The following RASGEF1A variants were observed in gnomAD, a reference collection of about 807,000 sequenced individuals.
The protein encoded by RASGEF1A is RasGEF domain family member 1A.
RASGEF1A carries 18 observed loss-of-function variants against 56.4 expected under a neutral mutation model. That is an observed-to-expected ratio of 0.32 (90% CI 0.22 to 0.47). RASGEF1A has a LOEUF of 0.47. Ranked by LOEUF, RASGEF1A falls within the 20% of genes least tolerant of loss-of-function variation. The pLI, the probability that RASGEF1A is intolerant of heterozygous loss-of-function variation, is 1.00. For missense variants in RASGEF1A, 422 were observed against 627.1 expected (o/e 0.67, Z 3.49); for synonymous variants, 245 against 242.6 (o/e 1.01, Z -0.09).
In RASGEF1A at chr10:43,196,112, A is replaced by AT; in HGVS notation, c.*131dup. ...AAGGTTGATGCGTGAAATAATTACCATTTTTTTCTCATAAAAGTTATATAC... is the reference window on the plus strand; with the variant it reads ...AAGGTTGATGCGTGAAATAATTACCATTTTTTTTCTCATAAAAGTTATATAC... On this transcript the variant is annotated 3_prime_UTR_variant, in exon 13 of 13. Transcript: ENST00000395810. The surrounding 1 kb of genome is among the most constrained non-coding windows in gnomAD (Gnocchi z 4.6). The AT allele has an allele frequency of 2.3e-6, 2 of 854,746 alleles. No individual in the cohort carries two copies. The allele number at this position is 854,746 out of a possible 1,614,324, so 52.9% of individuals were successfully genotyped here. A position where few individuals can be genotyped will look rare whatever the true frequency, so the allele number is the denominator to read the frequency against.
At chr10:43,259,608 T>C (rs1836490379) in intron 1 of RASGEF1A, among the ~76,000 whole-genome samples, 2 of 152,182 alleles carry the variant, frequency 1.3e-5, no homozygotes, top group Admixed American at 6.5e-5. Flanking sequence ...CCTGAGAGCA[T>C]ACCCTCTCTA....
intron 1 of RASGEF1A, among the ~76,000 whole-genome samples, chr10:43,229,199 C>A (rs559007947): frequency 2.7e-4 from 41 of 152,334 alleles, no homozygotes; most frequent in African/African-American, 9.6e-4. Flanking sequence ...GGCACGGCTG[C>A]GCTCCCTCCC....
At chr10:43,209,149 G>C in intron 1 of RASGEF1A, 1 of 985,480 alleles carries the variant, frequency 1.0e-6, no homozygotes. Context: ...TTGCACACTG[G>C]GCTCTTGGCT....
intron 1 of RASGEF1A, among the ~76,000 whole-genome samples, chr10:43,230,762 C>T (rs1043745960): frequency 2.0e-5 from 3 of 152,228 alleles, no homozygotes; most frequent in Admixed American, 6.5e-5. Context: ...CCCCACGGCT[C>T]TTGCCCAGGC....
chr10:43,265,980 C>G (rs61845702), intron 1 of RASGEF1A, among the ~76,000 whole-genome samples: 22,453 of 152,236 alleles, frequency 0.15, 1,769 homozygotes, highest in Admixed American at 0.19. Flanking sequence ...GAGGGTGAAC[C>G]AGGGAGAAGC....
At chr10:43,203,683 A>C in intron 2 of RASGEF1A, 1 of 1,180,284 alleles carries the variant, frequency 8.5e-7, no homozygotes, top group Non-Finnish European at 1.1e-6. Flanking sequence ...CTCCGCTGGG[A>C]TTCTCCCCCT....
Position 43,221,971 on chromosome 10 carries a change from G to A in RASGEF1A, c.-6-15849C>T, listed in dbSNP as rs76757074. On this transcript the variant is annotated intron_variant, in intron 1 of 12. Coordinates refer to ENST00000395810, the MANE Select transcript of RASGEF1A (RefSeq NM_145313.4). Reference sequence around the variant, plus strand: ...GGCACATACAGTCATGCGTCCATTCGCGACGGGGATACCTCCTGAGAAATG... The same window carrying A: ...GGCACATACAGTCATGCGTCCATTCACGACGGGGATACCTCCTGAGAAATG... 1.9e-3 allele frequency among the ~76,000 whole-genome samples: 284 copies of A among 152,290 alleles called. 1 individual carries two copies. The highest frequency in any genetic ancestry group is 3.8e-3 in the Non-Finnish European group (256 of 68,022).
At chr10:43,254,410 C>T (rs1413640762) in intron 1 of RASGEF1A, among the ~76,000 whole-genome samples, 2 of 152,226 alleles carry the variant, frequency 1.3e-5, no homozygotes, top group African/African-American at 4.8e-5. Flanking sequence ...CTAACAGGCA[C>T]CTATCCTTCA....
chr10:43,216,587 C>G (rs1254068365), intron 1 of RASGEF1A, among the ~76,000 whole-genome samples: 1 of 152,192 alleles, frequency 6.6e-6, no homozygotes, highest in East Asian at 1.9e-4. Flanking sequence ...TTTTGCCCCC[C>G]TCCTGGATAG....
At position 43,256,935 on chromosome 10, in the gene RASGEF1A, T is replaced by G. The variant is rs76763923; in HGVS notation, c.-7+9910A>C. 8.7e-3 allele frequency among the ~76,000 whole-genome samples: 1,331 copies of G among 152,304 alleles called. 54 individuals carry two copies. In the East Asian group the frequency reaches 0.095, roughly 11 times the overall value. ...ACCTGGCCTTCCCAGGGTGGCTGCCTTCATCGCTCCCTCCTGGCACCTCTC... is the reference window on the plus strand; with the variant it reads ...ACCTGGCCTTCCCAGGGTGGCTGCCGTCATCGCTCCCTCCTGGCACCTCTC... On this transcript the variant is annotated intron_variant, in intron 1 of 12. Coordinates refer to ENST00000395810, the MANE Select transcript of RASGEF1A (RefSeq NM_145313.4).
intron 1 of RASGEF1A, among the ~76,000 whole-genome samples, chr10:43,235,064 G>A (rs987436699): frequency 1.3e-5 from 2 of 152,222 alleles, no homozygotes; most frequent in Non-Finnish European, 2.9e-5. Flanking sequence ...GGGTCAGTGG[G>A]GAACCCCTAA....
Position 43,200,821 on chromosome 10 carries a change from C to T in RASGEF1A, c.527G>A (p.Arg176Gln). 6.2e-7 allele frequency: 1 copy of T among 1,613,946 alleles called. No individual in the cohort carries two copies. The highest frequency in any genetic ancestry group is 8.5e-7 in the Non-Finnish European group (1 of 1,180,022). Residue 176 changes from arginine to glutamine, a missense_variant, in exon 5 of 13, where the codon CGG becomes CAG. Coordinates refer to ENST00000395810, the MANE Select transcript of RASGEF1A (RefSeq NM_145313.4). ...CTCTCGCAGTTCCTGGAGCTGGCTC[C>T]GGGCAGCCAAGGACAGCAACAGGCT... ...TQSLLLSLAARSQLQELREKL... is the reference protein window; with the variant it reads ...TQSLLLSLAAQSQLQELREKL...
intron 1 of RASGEF1A, among the ~76,000 whole-genome samples, chr10:43,234,349 T>TC (rs1466642627): frequency 6.6e-6 from 1 of 151,958 alleles, no homozygotes; most frequent in African/African-American, 2.4e-5. Flanking sequence ...CCTCCGCTCA[T>TC]CCCCCCAAGA....
At chr10:43,227,219 T>C (rs1815694270) in intron 1 of RASGEF1A, among the ~76,000 whole-genome samples, 3 of 152,098 alleles carry the variant, frequency 2.0e-5, no homozygotes, top group South Asian at 4.1e-4. Flanking sequence ...TCCCCTGCAC[T>C]AAGTCAATCC....
intron 1 of RASGEF1A, chr10:43,208,795 GGA>G: frequency 1.0e-6 from 1 of 985,502 alleles, no homozygotes; most frequent in Middle Eastern, 5.2e-4. Context: ...GCCCAGCCAC[GGA>G]GCACTTCGAG....
intron 8 of RASGEF1A, 30 bp from the exon 9 acceptor site, chr10:43,199,042 C>CG (rs753124804): frequency 2.2e-4 from 158 of 712,668 alleles, no homozygotes; most frequent in Non-Finnish European, 2.8e-4. Flanking sequence ...GGGTCAGGGC[C>CG]GGGGGGGTGG....
At chr10:43,253,164 G>T (rs1222145997) in intron 1 of RASGEF1A, among the ~76,000 whole-genome samples, 1 of 152,188 alleles carries the variant, frequency 6.6e-6, no homozygotes, top group East Asian at 1.9e-4. Flanking sequence ...GGCCTGGCCA[G>T]GTCCAGCCTT....
intron 1 of RASGEF1A, among the ~76,000 whole-genome samples, chr10:43,231,050 C>T (rs1031567554): frequency 3.3e-5 from 5 of 152,246 alleles, no homozygotes; most frequent in African/African-American, 7.2e-5. Flanking sequence ...TACATTACTG[C>T]GTGGTATGCA....
intron 1 of RASGEF1A, among the ~76,000 whole-genome samples, chr10:43,232,134 G>T (rs1840377978): frequency 6.6e-6 from 1 of 152,218 alleles, no homozygotes; most frequent in Admixed American, 6.5e-5. Flanking sequence ...TTGGGTTTGT[G>T]TCCCCACCCA....
Sources: allele counts gnomAD v4.1 joint callset (sites outside exome capture counted in the v4.1 genomes callset), GRCh38; gene constraint gnomAD v4.1.1; non-coding constraint Gnocchi (gnomAD v3.1); transcripts MANE v1.5; gene names NCBI Gene and HGNC (gene_info 2026-07-23, HGNC 2026-07-21).